ARMC2: variants seen among roughly 807,000 people sequenced by gnomAD.
ARMC2 encodes the protein armadillo repeat containing 2, also known as armadillo repeat-containing protein 2.
ARMC2 carries 67 observed loss-of-function variants against 90.3 expected under a neutral mutation model. The ratio of observed to expected loss-of-function variants is 0.74; its 90% CI spans 0.61 to 0.91. The LOEUF (loss-of-function observed/expected upper bound fraction) is 0.91, where lower values mean the gene tolerates loss of function less well. Among genes scored for constraint, ARMC2 ranks in the 40% least tolerant of loss-of-function variants. ARMC2 has a pLI of 0.00. For synonymous variants in ARMC2, 393 were observed against 393.0 expected, an observed-to-expected ratio of 1.00 and a Z score of 0.00; for missense variants, 920 against 1,030.9, an observed-to-expected ratio of 0.89 and a Z score of 1.47.
chr6:108,904,648 A>T (rs1583062984), intron 8 of ARMC2, among the ~76,000 whole-genome samples: 2 of 7,026 alleles, frequency 2.8e-4, no homozygotes, highest in African/African-American at 4.4e-4. Flanking sequence ...AACTAAGTTA[A>T]AAAAAAAAAA....
intron 17 of ARMC2, 46 bp from the exon 18 acceptor site, chr6:108,973,311 G>A (rs1479878087): frequency 1.3e-6 from 2 of 1,517,168 alleles, no homozygotes; most frequent in Non-Finnish European, 9.0e-7. Context: ...TATTCAATAG[G>A]ATTACATTTC....
chr6:108,965,050 T>TGGAA lies in ARMC2; in HGVS notation c.2357_2360dup (p.Asn787LysfsTer5). 1 of 1,613,802 alleles carries TGGAA rather than the reference T, an allele frequency of 6.2e-7. No individual in the cohort carries two copies. Among genetic ancestry groups the TGGAA allele is most frequent in the Non-Finnish European group, 8.5e-7 (1 of 1,179,724 alleles). ...GGCCTGCTTGGTTTGTAAAACTTTA[T>TGGAA]GGAACTTCAGTGAAAACATCACTAA... On this transcript the variant is annotated frameshift_variant, in exon 17 of 18. Transcript: ENST00000392644. LOFTEE classifies it high-confidence loss of function.
At chr6:109,048,800 T>C in the ARMC2 span, among the ~76,000 whole-genome samples, 15,201 of 152,248 alleles carry the variant, frequency 0.1, 910 homozygotes, top group Middle Eastern at 0.19. Flanking sequence ...TCCAGGAAGA[T>C]ACATCACAAT....
intron 17 of ARMC2, among the ~76,000 whole-genome samples, chr6:108,965,842 G>C: frequency 6.7e-6 from 1 of 150,070 alleles, no homozygotes; most frequent in Non-Finnish European, 1.5e-5. Flanking sequence ...TTGTAGCGAT[G>C]AGGTCTTGCT....
intron 11 of ARMC2, among the ~76,000 whole-genome samples, chr6:108,928,469 T>C (rs1312019877): frequency 1.3e-5 from 2 of 152,194 alleles, no homozygotes; most frequent in Non-Finnish European, 2.9e-5. Context: ...GTCATTTTAG[T>C]TCTTTGGTGA....
the ARMC2 span, among the ~76,000 whole-genome samples, chr6:109,052,533 A>G: frequency 6.6e-6 from 1 of 152,198 alleles, no homozygotes; most frequent in African/African-American, 2.4e-5. Flanking sequence ...CTAGACTTCA[A>G]TGTTCACTTA....
At chr6:108,917,323 C>T (rs554508054) in intron 10 of ARMC2, among the ~76,000 whole-genome samples, 3 of 152,248 alleles carry the variant, frequency 2.0e-5, no homozygotes, top group South Asian at 4.1e-4. Flanking sequence ...ATCCTCTCCC[C>T]CTTGCTCAGT....
At chr6:108,979,245 C>T (rs1015830534), downstream of ARMC2, among the ~76,000 whole-genome samples, 11 of 152,146 alleles carry the variant, frequency 7.2e-5, no homozygotes, top group African/African-American at 2.7e-4. Context: ...TTCTCCTTCA[C>T]CTATGAAGCT....
chr6:108,899,552 G>A, intron 6 of ARMC2, 142 bp from the exon 7 acceptor site: 1 of 680,330 alleles, frequency 1.5e-6, no homozygotes, highest in Non-Finnish European at 2.6e-6. Context: ...GTTCTAATGA[G>A]AAATAGTCAG....
At chr6:108,870,894 C>G (rs1038244025) in intron 4 of ARMC2, among the ~76,000 whole-genome samples, 5 of 145,928 alleles carry the variant, frequency 3.4e-5, no homozygotes, top group African/African-American at 1.0e-4. Flanking sequence ...GACAGGAGAA[C>G]AAATAAGTAA....
chr6:109,031,218 G>A, the ARMC2 span, among the ~76,000 whole-genome samples: 3 of 152,146 alleles, frequency 2.0e-5, no homozygotes, highest in Non-Finnish European at 2.9e-5. Context: ...AGTGGGAAAC[G>A]GTCAGTTTTA....
chr6:109,034,040 C>T, the ARMC2 span, among the ~76,000 whole-genome samples: 1 of 152,168 alleles, frequency 6.6e-6, no homozygotes, highest in South Asian at 2.1e-4. Flanking sequence ...CTTAGAGAGC[C>T]ACAGGATTAC....
intron 17 of ARMC2, among the ~76,000 whole-genome samples, chr6:108,971,683 A>G (rs1263212286): frequency 6.6e-6 from 1 of 152,118 alleles, no homozygotes; most frequent in Non-Finnish European, 1.5e-5. Context: ...GCACTTTGGG[A>G]GGCCAAGGCA....
chr6:108,955,880 G>A (rs1777543919), intron 13 of ARMC2, among the ~76,000 whole-genome samples: 1 of 152,236 alleles, frequency 6.6e-6, no homozygotes, highest in African/African-American at 2.4e-5. Context: ...GACCAGGGAT[G>A]GGACTGCTGC....
At chr6:108,854,580 C>G in intron 2 of ARMC2, 95 bp downstream of exon 2, 1 of 1,267,968 alleles carries the variant, frequency 7.9e-7, no homozygotes, top group Non-Finnish European at 1.1e-6. Flanking sequence ...TAAAAATAGA[C>G]TTATTTTTTA....
chr6:108,958,693 C>G (rs1054552114), intron 13 of ARMC2, among the ~76,000 whole-genome samples: 1 of 152,220 alleles, frequency 6.6e-6, no homozygotes, highest in Non-Finnish European at 1.5e-5. Flanking sequence ...AGACATTCAC[C>G]TGAGCTGCTC....
intron 11 of ARMC2, among the ~76,000 whole-genome samples, chr6:108,932,774 C>CT (rs1562403496): frequency 4.0e-5 from 6 of 151,448 alleles, no homozygotes; most frequent in African/African-American, 1.5e-4. Context: ...GTGATCTGCC[C>CT]GCCTCGGCCT....
chr6:108,902,149 A>G (rs959428553), intron 7 of ARMC2, among the ~76,000 whole-genome samples: 7 of 152,222 alleles, frequency 4.6e-5, no homozygotes, highest in African/African-American at 1.7e-4. Flanking sequence ...CTCTGAGATT[A>G]TGTTACTCTC....
At chr6:108,905,308 A>G (rs2806376) in intron 8 of ARMC2, among the ~76,000 whole-genome samples, 74,669 of 152,070 alleles carry the variant, frequency 0.49, 20,103 homozygotes, top group Admixed American at 0.61. Context: ...TTCTGAGCAT[A>G]TATCTATGTA....
Sources: gnomAD v4.1 joint callset for allele counts (sites outside exome capture counted in the v4.1 genomes callset) on GRCh38, gnomAD v4.1.1 for gene constraint, MANE v1.5 for transcripts, NCBI Gene and HGNC (gene_info 2026-07-23, HGNC 2026-07-21) for gene names.